The following RBBP8 variants were observed in gnomAD, a reference collection of about 807,000 sequenced individuals.
RBBP8 encodes DNA endonuclease RBBP8.
RBBP8 carries 88 observed loss-of-function variants against 108.3 expected under a neutral mutation model. The ratio of observed to expected loss-of-function variants is 0.81; its 90% CI spans 0.68 to 0.97. The LOEUF is 0.97. RBBP8 is among the 50% of genes least tolerant of loss of function. The pLI, the probability that RBBP8 is intolerant of heterozygous loss-of-function variation, is 0.00. For missense variants in RBBP8, 1,023 were observed against 1,049.0 expected (o/e 0.98, Z 0.34); for synonymous variants, 332 against 348.2 (o/e 0.95, Z 0.52).
chr18:22,926,391 C>A (rs960695223), intron 3 of RBBP8, among the ~76,000 whole-genome samples: 2 of 151,964 alleles, frequency 1.3e-5, no homozygotes, highest in Non-Finnish European at 2.9e-5. Context: ...CCACTGCACT[C>A]CAGCATGGGG....
chr18:22,940,724 G>A lies in RBBP8; in HGVS notation c.109+3764G>A, dbSNP rs534035353. On this transcript the variant is annotated intron_variant, in intron 2 of 18. Transcript: ENST00000327155. Reference sequence around the variant, plus strand: ...TGCAGTGGCACAATCATGGTTCGCCGTAGCCTCAAATTCCAGGGTGCAGGC... The same window carrying A: ...TGCAGTGGCACAATCATGGTTCGCCATAGCCTCAAATTCCAGGGTGCAGGC... Among the ~76,000 whole-genome samples the A allele has an allele frequency of 1.8e-4, 27 of 152,106 alleles. 1 individual carries two copies. In the South Asian group the frequency reaches 4.6e-3, roughly 26 times the overall value.
intron 3 of RBBP8, among the ~76,000 whole-genome samples, chr18:22,922,927 C>A (rs1909653575): frequency 6.6e-6 from 1 of 152,080 alleles, no homozygotes; most frequent in Non-Finnish European, 1.5e-5. Flanking sequence ...CTTACCTGAA[C>A]TCAATTATGT....
At chr18:22,981,032 G>T (rs1007077953) in intron 6 of RBBP8, among the ~76,000 whole-genome samples, 29 of 89,352 alleles carry the variant, frequency 3.2e-4, no homozygotes, top group African/African-American at 8.8e-4. Context: ...GAGTGCAGTG[G>T]CACGATCTCA....
At chr18:22,983,488 T>C (rs1052181081) in intron 7 of RBBP8, among the ~76,000 whole-genome samples, 1 of 152,202 alleles carries the variant, frequency 6.6e-6, no homozygotes, top group Non-Finnish European at 1.5e-5. Flanking sequence ...CTAAAATGAA[T>C]ATCCGTTGAC....
chr18:22,946,830 A>T (rs1481086048), intron 3 of RBBP8, among the ~76,000 whole-genome samples: 1 of 152,166 alleles, frequency 6.6e-6, no homozygotes, highest in Non-Finnish European at 1.5e-5. Flanking sequence ...TTGTTGAGCC[A>T]TAATTAACAC....
intron 4 of RBBP8, among the ~76,000 whole-genome samples, chr18:22,961,848 A>G (rs967902627): frequency 6.6e-6 from 1 of 152,310 alleles, no homozygotes; most frequent in Admixed American, 6.5e-5. Context: ...TCAGTTGATC[A>G]TGGGTAGACT....
At chr18:22,953,800 A>C (rs1912247031) in intron 4 of RBBP8, among the ~76,000 whole-genome samples, 1 of 151,704 alleles carries the variant, frequency 6.6e-6, no homozygotes, top group African/African-American at 2.4e-5. Flanking sequence ...GGACTGCCTG[A>C]GATTGGGTAG....
Position 22,996,364 on chromosome 18 carries a change from T to C in RBBP8, c.1940-10T>C. 1 of 1,613,184 alleles carries C rather than the reference T, an allele frequency of 6.2e-7. No individual in the cohort carries two copies. Among genetic ancestry groups the C allele is most frequent in the Middle Eastern group, 1.7e-4 (1 of 5,966 alleles). On this transcript the variant is annotated splice_polypyrimidine_tract_variant and intron_variant, in intron 12 of 18. Coordinates refer to ENST00000327155, the MANE Select transcript of RBBP8 (RefSeq NM_002894.3). ...GTTTTTTAATTGCATGCTCTTTCCC[T>C]TTACCTAAGATGTATCCTTTGAAAA...
chr18:23,006,407 G>A lies in RBBP8; in HGVS notation c.2332G>A (p.Glu778Lys). Residue 778 changes from glutamate to lysine, a missense_variant, in exon 16 of 19, where the codon GAG becomes AAG. Transcript: ENST00000327155. ...CAAAGTCAAGCAGAAAGCGTTTGTG[G>A]AGCCGTATTTTAAAGGTGATGAAAG... is the stretch of plus-strand genomic sequence containing the variant. ...QDKVKQKAFV[E>K]PYFKGDERET... 1 of 1,613,624 alleles carries A rather than the reference G, an allele frequency of 6.2e-7. No homozygotes were observed. The highest frequency in any genetic ancestry group is 8.5e-7 in the Non-Finnish European group (1 of 1,179,716).
At chr18:22,944,985 GATAA>G (rs1192988570) in intron 2 of RBBP8, among the ~76,000 whole-genome samples, 1 of 152,098 alleles carries the variant, frequency 6.6e-6, no homozygotes, top group East Asian at 1.9e-4. Context: ...TCTTAGGAAT[GATAA>G]ATATATTAAT....
At chr18:22,944,096 C>T (rs77569628) in intron 2 of RBBP8, among the ~76,000 whole-genome samples, 7,420 of 152,218 alleles carry the variant, frequency 0.049, 350 homozygotes, top group African/African-American at 0.12. Context: ...TCATTCCTTC[C>T]GATGGGTGTG....
At chr18:22,945,849 C>A (rs1200695767) in intron 2 of RBBP8, among the ~76,000 whole-genome samples, 1 of 152,080 alleles carries the variant, frequency 6.6e-6, no homozygotes, top group African/African-American at 2.4e-5. Flanking sequence ...AGAAATGTCA[C>A]CCTGTTTTGT....
chr18:22,953,241 G>A (rs1236189788), intron 4 of RBBP8, among the ~76,000 whole-genome samples: 1 of 152,178 alleles, frequency 6.6e-6, no homozygotes, highest in Admixed American at 6.5e-5. Context: ...TCTGACTATG[G>A]GATGCCTGGT....
intron 10 of RBBP8, among the ~76,000 whole-genome samples, chr18:22,992,164 AT>A (rs1335933770): frequency 3.9e-5 from 6 of 152,210 alleles, no homozygotes; most frequent in Non-Finnish European, 7.3e-5. Context: ...TCATGATCAA[AT>A]GTCGTAACAA....
chr18:22,936,688 C>G, intron 1 of RBBP8, 66 bp from the exon 2 acceptor site: 1 of 723,682 alleles, frequency 1.4e-6, no homozygotes, highest in Non-Finnish European at 2.3e-6. Flanking sequence ...GCTTGTGTTT[C>G]ATCCTGATTT....
At chr18:22,935,577 C>G (rs1410749205) in intron 1 of RBBP8, among the ~76,000 whole-genome samples, 2 of 152,072 alleles carry the variant, frequency 1.3e-5, no homozygotes, top group East Asian at 3.9e-4. Context: ...TACTCCTGCT[C>G]CCTTCAGAAT....
At chr18:23,010,560 G>A (rs189875992) in intron 16 of RBBP8, among the ~76,000 whole-genome samples, 44 of 151,882 alleles carry the variant, frequency 2.9e-4, no homozygotes, top group African/African-American at 1.0e-3. Flanking sequence ...TCACACCACT[G>A]CACTCCAGCC....
rs1276963033 is a variant in RBBP8 at position 22,993,351 on chromosome 18, A to G, written c.1524A>G (p.Gly508=). 1 of 1,614,246 alleles carries G rather than the reference A, an allele frequency of 6.2e-7. No homozygotes were observed. The highest frequency in any genetic ancestry group is 1.7e-5 in the Admixed American group (1 of 60,024). The change falls in exon 11 of 19, where the codon GGA becomes GGG. Residue 508 remains glycine, a synonymous_variant. Transcript: ENST00000327155. ...SAIQRQEKSQ[G]SETSKNKFRQ... is the part of the protein sequence containing the mutation. ...TTCAGCGTCAAGAGAAAAGCCAAGG[A>G]AGTGAGACTTCTAAAAACAAATTTA...
At chr18:22,946,299 G>A in intron 2 of RBBP8, 145 bp from the exon 3 acceptor site, 2 of 1,008,298 alleles carry the variant, frequency 2.0e-6, no homozygotes, top group East Asian at 2.7e-5. Flanking sequence ...TTTTGTGACT[G>A]CAGAGTACAC....
Sources: allele counts gnomAD v4.1 joint callset (sites outside exome capture counted in the v4.1 genomes callset), GRCh38; gene constraint gnomAD v4.1.1; transcripts MANE v1.5; gene names NCBI Gene and HGNC (gene_info 2026-07-23, HGNC 2026-07-21).